Variants in ATG14 observed in about 807,000 individuals in gnomAD.
ATG14 encodes the protein beclin 1-associated autophagy-related key regulator.
In ATG14, 35 loss-of-function variants were observed where a neutral mutation model predicts 60.4. That is an observed-to-expected ratio of 0.58 (90% confidence interval 0.44 to 0.77). The LOEUF (loss-of-function observed/expected upper bound fraction) is 0.77, where lower values mean the gene tolerates loss of function less well. Ranked by LOEUF, ATG14 falls within the 30% of genes least tolerant of loss-of-function variation. The pLI is 0.00. For synonymous variants in ATG14, 234 were observed against 228.8 expected (o/e 1.02, Z -0.21); for missense variants, 647 against 626.3 (o/e 1.03, Z -0.35).
intron 9 of ATG14, 87 bp from the exon 10 acceptor site, chr14:55,370,012 AG>A: frequency 7.6e-7 from 1 of 1,313,686 alleles, no homozygotes; most frequent in Non-Finnish European, 1.0e-6. Context: ...CCCTCACCTG[AG>A]GGGATGAGGG....
intron 9 of ATG14, among the ~76,000 whole-genome samples, chr14:55,375,964 T>A (rs752095813): frequency 1.3e-5 from 2 of 152,236 alleles, no homozygotes; most frequent in Non-Finnish European, 2.9e-5. Context: ...CTAGTAATTT[T>A]CCCCCCTAAT....
At chr14:55,388,697 A>C (rs904482012) in intron 4 of ATG14, among the ~76,000 whole-genome samples, 1 of 152,186 alleles carries the variant, frequency 6.6e-6, no homozygotes, top group African/African-American at 2.4e-5. Context: ...CAACAACAAC[A>C]AGCTCTTAAG....
intron 2 of ATG14, among the ~76,000 whole-genome samples, chr14:55,396,236 C>T (rs1885312173): frequency 6.6e-6 from 1 of 152,194 alleles, no homozygotes; most frequent in African/African-American, 2.4e-5. Flanking sequence ...CAGTCTTAGC[C>T]TTTGTCCTCA....
intron 1 of ATG14, among the ~76,000 whole-genome samples, chr14:55,405,581 TC>T (rs1276321617): frequency 6.6e-6 from 1 of 152,294 alleles, no homozygotes; most frequent in African/African-American, 2.4e-5. Flanking sequence ...TCAGTCCCAT[TC>T]CCCCACCTAA....
intron 1 of ATG14, among the ~76,000 whole-genome samples, chr14:55,404,528 G>T (rs184724987): frequency 6.6e-6 from 1 of 152,246 alleles, no homozygotes; most frequent in African/African-American, 2.4e-5. Flanking sequence ...TATTTTCCAT[G>T]AAGTATGTCT....
In ATG14 at chr14:55,369,593, A is replaced by AT. The variant is rs547191943; in HGVS notation, c.*25dup. On this transcript the variant is annotated 3_prime_UTR_variant, in exon 10 of 10. Coordinates refer to ENST00000247178, the MANE Select transcript of ATG14 (RefSeq NM_014924.5). The stretch of plus-strand genomic sequence containing the variant: ...TGGGAGAAGAACTTTCTTGATGCAG[A>AT]TTTGGTATGTTTTGGTCCATGCTCG... 7,586 of 1,466,982 alleles carry AT rather than the reference A, an allele frequency of 5.2e-3. 25 individuals carry two copies. Among genetic ancestry groups the AT allele is most frequent in the Middle Eastern group, 6.0e-3 (27 of 4,484 alleles). 90.9% of individuals were successfully genotyped at this position (1,466,982 alleles called of 1,614,324 possible). A position where few individuals can be genotyped will look rare whatever the true frequency, so the allele number is the denominator to read the frequency against.
intron 1 of ATG14, among the ~76,000 whole-genome samples, chr14:55,399,795 T>C (rs1885368830): frequency 6.6e-6 from 1 of 152,196 alleles, no homozygotes; most frequent in South Asian, 2.1e-4. Context: ...TCAGAGGCCA[T>C]AAAAGTTCTC....
Position 55,390,942 on chromosome 14 carries a change from T to A in ATG14, c.378A>T (p.Thr126=), listed in dbSNP as rs1477690144. The A allele has an allele frequency of 6.2e-7, 1 of 1,605,306 alleles. No homozygotes were observed. Among genetic ancestry groups the A allele is most frequent in the African/African-American group, 1.3e-5 (1 of 74,790 alleles). The part of the protein sequence containing the change: ...CKMRIEQLKQ[T]ICKGNEEMEK... The stretch of plus-strand genomic sequence containing the variant: ...CCATTTCTTCATTTCCTTTACATAT[T>A]GTTTGTTTTAACTGTTCAATCCTCA... The change falls in exon 4 of 10, where the codon ACA becomes ACT. Residue 126 remains threonine, a synonymous_variant. Transcript: ENST00000247178.
Position 55,369,808 on chromosome 14 carries a change from G to A in ATG14, c.1290C>T (p.Asp430=). Residue 430 remains aspartate, a synonymous_variant, in exon 10 of 10, where the codon GAC becomes GAT. Coordinates refer to ENST00000247178, the MANE Select transcript of ATG14 (RefSeq NM_014924.5). ...GCAAGTTCTCCCAGTCTGTGCCCAG[G>A]TCGGTTTCTTCATCGCTGACGCGCT... ...GDERVSDEET[D]LGTDWENLPS... 1 of 1,614,160 alleles carries A rather than the reference G, an allele frequency of 6.2e-7. No individual in the cohort carries two copies. The highest frequency in any genetic ancestry group is 8.5e-7 in the Non-Finnish European group (1 of 1,180,024).
intron 4 of ATG14, among the ~76,000 whole-genome samples, chr14:55,386,968 G>C (rs960826847): frequency 6.6e-6 from 1 of 152,154 alleles, no homozygotes; most frequent in South Asian, 2.1e-4. Flanking sequence ...TTTTTGACGT[G>C]TCCACTGCCT....
intron 6 of ATG14, among the ~76,000 whole-genome samples, 187 bp from the exon 7 acceptor site, chr14:55,380,877 T>TATATATATATA: frequency 4.6e-5 from 2 of 43,688 alleles, no homozygotes; most frequent in African/African-American, 3.9e-4. Context: ...ATATATATAT[T>TATATATATATA]TTTTTTTTTT....
In ATG14 at chr14:55,380,668, G is replaced by A. The variant is rs1440982431; in HGVS notation, c.900C>T (p.Ala300=). ...QGPDMEQSNP[A]YTISAALCYA... The stretch of plus-strand genomic sequence containing the variant: ...AGCACAGCGCAGCACTGATGGTGTA[G>A]GCAGGGTTACTCTGCTCCATGTCTG... The change falls in exon 7 of 10, where the codon GCC becomes GCT. Residue 300 remains alanine (A), a synonymous_variant. Coordinates refer to ENST00000247178, the MANE Select transcript of ATG14 (RefSeq NM_014924.5). The A allele has an allele frequency of 6.2e-7, 1 of 1,608,656 alleles. No individual in the cohort carries two copies. The highest frequency in any genetic ancestry group is 8.5e-7 in the Non-Finnish European group (1 of 1,177,442).
chr14:55,366,574 A>G lies in ATG14; in HGVS notation c.*3045T>C, dbSNP rs930375460. On this transcript the variant is annotated 3_prime_UTR_variant, in exon 10 of 10. Coordinates refer to ENST00000247178, the MANE Select transcript of ATG14 (RefSeq NM_014924.5). Reference sequence around the variant, plus strand: ...GCTCTTCCCCAAATTGAGTCCTTACATGAGTCCCGTCCACTCTACCCAATG... The same window carrying G: ...GCTCTTCCCCAAATTGAGTCCTTACGTGAGTCCCGTCCACTCTACCCAATG... 1 of 152,584 alleles carries G rather than the reference A, an allele frequency of 6.6e-6. No homozygotes were observed. The highest frequency in any genetic ancestry group is 2.4e-5 in the African/African-American group (1 of 41,562). The allele number at this position is 152,584 out of a possible 1,614,324, so 9.5% of individuals were successfully genotyped here.
chr14:55,378,038 A>T lies in ATG14; in HGVS notation c.1032T>A (p.Phe344Leu). The T allele has an allele frequency of 1.2e-6, 2 of 1,613,146 alleles. No individual in the cohort carries two copies. The highest frequency in any genetic ancestry group is 8.5e-7 in the Non-Finnish European group (1 of 1,179,250). ...FCGENLSKQKFTRAVKKLNAN... is the reference protein window; with the variant it reads ...FCGENLSKQKLTRAVKKLNAN... ...CATTCAGTTTCTTCACTGCTCGAGT[A>T]AATTTCTGCTTGCTTAGATTTTCGC... Residue 344 changes from phenylalanine (F) to leucine (L), a missense_variant, in exon 8 of 10, where the codon TTT becomes TTA. Phe to Leu is a conservative substitution (Grantham distance 22, BLOSUM62 0). Coordinates refer to ENST00000247178, the MANE Select transcript of ATG14 (RefSeq NM_014924.5).
intron 1 of ATG14, among the ~76,000 whole-genome samples, chr14:55,411,157 C>T (rs191894737): frequency 8.5e-5 from 13 of 152,196 alleles, no homozygotes; most frequent in Non-Finnish European, 1.8e-4. Flanking sequence ...GACTACCAGG[C>T]CCAAATCCCT....
Position 55,369,423 on chromosome 14 carries a change from A to G in ATG14, c.*196T>C, listed in dbSNP as rs886090280. On this transcript the variant is annotated 3_prime_UTR_variant, in exon 10 of 10. Transcript: ENST00000247178. ...TTCGACCCCTGTTCTCTTAATTATC[A>G]TAAGCATGTTGGTCACCATCACAGG... is the stretch of plus-strand genomic sequence containing the variant. 27 of 469,234 alleles carry G rather than the reference A, an allele frequency of 5.8e-5. No homozygotes were observed. Among genetic ancestry groups the G allele is most frequent in the Non-Finnish European group, 8.7e-5 (24 of 276,522 alleles). The allele number at this position is 469,234 out of a possible 1,614,324, so 29.1% of individuals were successfully genotyped here. A position where few individuals can be genotyped will look rare whatever the true frequency, so the allele number is the denominator to read the frequency against.
intron 1 of ATG14, among the ~76,000 whole-genome samples, chr14:55,400,700 C>T (rs1410579432): frequency 1.3e-5 from 2 of 152,014 alleles, no homozygotes; most frequent in South Asian, 2.1e-4. Flanking sequence ...GTCAGGAGTT[C>T]GAGACCAGCC....
At chr14:55,393,825 A>G (rs1043167143) in intron 3 of ATG14, among the ~76,000 whole-genome samples, 1 of 152,060 alleles carries the variant, frequency 6.6e-6, no homozygotes, top group Non-Finnish European at 1.5e-5. Context: ...CTGGGATTAC[A>G]GGGCATCCAC....
At chr14:55,411,425 C>A (rs973152187) in intron 1 of ATG14, among the ~76,000 whole-genome samples, 177 bp downstream of exon 1, 1 of 152,198 alleles carries the variant, frequency 6.6e-6, no homozygotes, top group African/African-American at 2.4e-5. Context: ...TCATCTGGCC[C>A]CTACGCTGTC....
Sources: allele counts gnomAD v4.1 joint callset (sites outside exome capture counted in the v4.1 genomes callset), GRCh38; gene constraint gnomAD v4.1.1; transcripts MANE v1.5; gene names NCBI Gene and HGNC (gene_info 2026-07-23, HGNC 2026-07-21).